WRNIP1: variants seen among roughly 807,000 people sequenced by gnomAD.
The protein encoded by WRNIP1 is WRN helicase interacting protein 1.
WRNIP1 carries 41 observed loss-of-function variants against 56.1 expected under a neutral mutation model. The ratio of observed to expected loss-of-function variants is 0.73; its 90% CI spans 0.57 to 0.95. The LOEUF is 0.95. Ranked by LOEUF, WRNIP1 falls within the 40% of genes least tolerant of loss-of-function variation. The pLI is 0.00. For missense variants in WRNIP1, 1,170 were observed against 939.4 expected, an observed-to-expected ratio of 1.25 and a Z score of -3.21; for synonymous variants, 547 against 398.1, an observed-to-expected ratio of 1.37 and a Z score of -4.45.
Position 2,766,132 on chromosome 6 carries a change from C to A in WRNIP1, c.510C>A (p.Gly170=). Residue 170 remains glycine, a synonymous_variant, in exon 1 of 7, where the codon GGC becomes GGA. Coordinates refer to ENST00000380773, the MANE Select transcript of WRNIP1 (RefSeq NM_020135.3). ...CGCAGGAGGAGGAGGAGGCCGTGGG[C>A]GACGGCGATGGCGACGGGGACGCGG... ...AEAQEEEEAV[G]DGDGDGDADA... is the part of the protein sequence containing the mutation. 8.1e-7 allele frequency: 1 copy of A among 1,240,346 alleles called. No homozygotes were observed. 76.8% of individuals were successfully genotyped at this position (1,240,346 alleles called of 1,614,324 possible).
At chr6:2,768,919 ACAT>A (rs760807505) in intron 2 of WRNIP1, 37 bp downstream of exon 2, 42 of 1,567,024 alleles carry the variant, frequency 2.7e-5, no homozygotes, top group Non-Finnish European at 3.2e-5. Context: ...GTCGTTGTGA[ACAT>A]CAAACAATAT....
At chr6:2,775,924 C>A (rs1166207524) in intron 3 of WRNIP1, among the ~76,000 whole-genome samples, 3 of 152,164 alleles carry the variant, frequency 2.0e-5, no homozygotes, top group East Asian at 1.9e-4. Flanking sequence ...GGCAGTCTAT[C>A]CCCAGAATAG....
At position 2,784,378 on chromosome 6, in the gene WRNIP1, A is replaced by G. The variant is rs752010954; in HGVS notation, c.1697A>G (p.His566Arg). 23 of 1,614,094 alleles carry G rather than the reference A, an allele frequency of 1.4e-5. No individual in the cohort carries two copies. Among genetic ancestry groups the G allele is most frequent in the Non-Finnish European group, 1.6e-5 (19 of 1,179,960 alleles). ...GCGGTTGCTGCCTACCAAGGCTGTCATTTTATAGGCATGCCTGAATGTGAG... is the reference window on the plus strand; with the variant it reads ...GCGGTTGCTGCCTACCAAGGCTGTCGTTTTATAGGCATGCCTGAATGTGAG... ...TQAVAAYQGCHFIGMPECEVL... is the reference protein window; with the variant it reads ...TQAVAAYQGCRFIGMPECEVL... The change falls in exon 6 of 7, where the codon CAT becomes CGT. Residue 566 changes from histidine (H) to arginine (R), a missense_variant. By Grantham distance (29) the His-to-Arg change is conservative. Transcript: ENST00000380773.
rs1008511107 is a variant in WRNIP1 at position 2,786,679 on chromosome 6, T to C, written c.*1397T>C. On this transcript the variant is annotated 3_prime_UTR_variant, in exon 7 of 7. Transcript: ENST00000380773. ...TCTGAGGGTTTGGCTAGTAATAAATTGTAGGTAAGAAATTACTTGTGCATT... is the reference window on the plus strand; with the variant it reads ...TCTGAGGGTTTGGCTAGTAATAAATCGTAGGTAAGAAATTACTTGTGCATT... 1 of 125,926 alleles carries C rather than the reference T, an allele frequency of 7.9e-6. No homozygotes were observed. Among genetic ancestry groups the C allele is most frequent in the Non-Finnish European group, 1.8e-5 (1 of 54,698 alleles). The allele number at this position is 125,926 out of a possible 1,614,324, so 7.8% of individuals were successfully genotyped here. A position where few individuals can be genotyped will look rare whatever the true frequency, so the allele number is the denominator to read the frequency against.
chr6:2,782,599 G>A (rs1001005793), intron 4 of WRNIP1, among the ~76,000 whole-genome samples: 4 of 152,232 alleles, frequency 2.6e-5, no homozygotes, highest in African/African-American at 4.8e-5. Context: ...CGTGAGGAGG[G>A]TGCCCCCTCC....
At position 2,766,559 on chromosome 6, in the gene WRNIP1, A is replaced by C. The variant is rs1038220715; in HGVS notation, c.822+115A>C. On this transcript the variant is annotated intron_variant, in intron 1 of 6. Transcript: ENST00000380773. ...AGAAGCCGCCTGCCTCTCCTGGATA[A>C]GGGGGTGCAGACTTGGGCTGGGCTG... 4 of 1,400,510 alleles carry C rather than the reference A, an allele frequency of 2.9e-6. No individual in the cohort carries two copies. In the African/African-American group the frequency reaches 5.8e-5, roughly 20 times the overall value. The allele number at this position is 1,400,510 out of a possible 1,614,324, so 86.8% of individuals were successfully genotyped here. A position where few individuals can be genotyped will look rare whatever the true frequency, so the allele number is the denominator to read the frequency against.
intron 4 of WRNIP1, among the ~76,000 whole-genome samples, chr6:2,780,783 C>G (rs533042213): frequency 3.9e-5 from 6 of 152,272 alleles, no homozygotes; most frequent in Admixed American, 3.3e-4. Context: ...CGGTCTCTCT[C>G]TCTCTTCTTG....
intron 2 of WRNIP1, among the ~76,000 whole-genome samples, chr6:2,769,502 A>C (rs1162371735): frequency 6.6e-6 from 1 of 152,146 alleles, no homozygotes; most frequent in African/African-American, 2.4e-5. Context: ...TAACTTTAAA[A>C]AATTTTTTTT....
chr6:2,765,662 C>T lies in WRNIP1; in HGVS notation c.40C>T (p.Gln14Ter). 6.5e-7 allele frequency: 1 copy of T among 1,550,364 alleles called. No homozygotes were observed. Among genetic ancestry groups the T allele is most frequent in the Non-Finnish European group, 8.6e-7 (1 of 1,156,448 alleles). Residue 14 changes from glutamine (Q) to a stop codon, truncating the protein, a stop_gained, in exon 1 of 7, where the codon CAG becomes TAG. Transcript: ENST00000380773. LOFTEE classifies it high-confidence loss of function. ...SGPEDDPFLS[Q>*]LHQVQCPVCQ... ...GCCGGAAGACGACCCCTTCCTTTCG[C>T]AGCTGCACCAGGTGCAGTGCCCCGT...
rs760613951 is a variant in WRNIP1 at position 2,770,312 on chromosome 6, T to C, written c.1207T>C (p.Ser403Pro). ...INSLGIHVLD[S>P]SRPTDPLSHS... is the part of the protein sequence containing the mutation. ...CTCCCTGGGAATCCACGTCCTAGAC[T>C]CTAGCCGTCCCACTGACCCTCTGAG... The change falls in exon 3 of 7, where the codon TCT becomes CCT. Residue 403 changes from serine to proline, a missense_variant. Coordinates refer to ENST00000380773, the MANE Select transcript of WRNIP1 (RefSeq NM_020135.3). 5 of 1,614,154 alleles carry C rather than the reference T, an allele frequency of 3.1e-6. No individual in the cohort carries two copies. The highest frequency in any genetic ancestry group is 4.2e-6 in the Non-Finnish European group (5 of 1,180,024).
chr6:2,784,269 C>T, intron 5 of WRNIP1, 55 bp from the exon 6 acceptor site: 1 of 1,560,562 alleles, frequency 6.4e-7, no homozygotes, highest in Non-Finnish European at 8.8e-7. Flanking sequence ...GCACATAGGC[C>T]AGGAGGACAG....
chr6:2,785,121 C>G lies in WRNIP1; in HGVS notation c.1837C>G (p.Pro613Ala), dbSNP rs140666043. 2 of 1,614,174 alleles carry G rather than the reference C, an allele frequency of 1.2e-6. No homozygotes were observed. The highest frequency in any genetic ancestry group is 2.2e-5 in the East Asian group (1 of 44,890). The change falls in exon 7 of 7, where the codon CCC becomes GCC. Residue 613 changes from proline (P) to alanine (A), a missense_variant. Transcript: ENST00000380773. Reference sequence around the variant, plus strand: ...GAGGAACCACCAGGGGCCACTGCCCCCCGTGCCCCTGCACCTGAGGAACGC... The same window carrying G: ...GAGGAACCACCAGGGGCCACTGCCCGCCGTGCCCCTGCACCTGAGGAACGC... ...CLRNHQGPLP[P>A]VPLHLRNAPT...
In WRNIP1 at chr6:2,783,510, G is replaced by A. The variant is rs529434617; in HGVS notation, c.1591G>A (p.Asp531Asn). 1 of 1,613,864 alleles carries A rather than the reference G, an allele frequency of 6.2e-7. No individual in the cohort carries two copies. The highest frequency in any genetic ancestry group is 1.7e-5 in the Admixed American group (1 of 60,006). ...GGCTCGCATGCTCGAGGGAGGAGAGGACCCACTCTACGTGGCACGGAGGCT... is the reference window on the plus strand; with the variant it reads ...GGCTCGCATGCTCGAGGGAGGAGAGAACCCACTCTACGTGGCACGGAGGCT... ...WLARMLEGGE[D>N]PLYVARRLVR... The change falls in exon 5 of 7, where the codon GAC becomes AAC. Residue 531 changes from aspartate (D) to asparagine (N), a missense_variant. Transcript: ENST00000380773.
chr6:2,779,523 C>G (rs573174697), intron 4 of WRNIP1, 31 bp downstream of exon 4: 2 of 1,591,918 alleles, frequency 1.3e-6, no homozygotes, highest in South Asian at 1.1e-5. Context: ...AAGAGTGAAA[C>G]CATACGGAAA....
At chr6:2,768,994 T>G (rs1466375965) in intron 2 of WRNIP1, 112 bp downstream of exon 2, 1 of 1,129,756 alleles carries the variant, frequency 8.9e-7, no homozygotes, top group African/African-American at 1.6e-5. Context: ...CAAAGAAGCG[T>G]AGGCTTGTGA....
chr6:2,766,051 G>A lies in WRNIP1; in HGVS notation c.429G>A (p.Pro143=), dbSNP rs1253855668. Residue 143 remains proline, a synonymous_variant, in exon 1 of 7, where the codon CCG becomes CCA. Transcript: ENST00000380773. ...SPGRKGSGKR[P]AAAAAAGSAS... is the part of the protein sequence containing the mutation. ...GGAGGAAGGGGTCGGGGAAGAGGCC[G>A]GCGGCCGCCGCCGCGGCGGGGAGCG... 5.4e-6 allele frequency: 7 copies of A among 1,295,442 alleles called. No individual in the cohort carries two copies. Among genetic ancestry groups the A allele is most frequent in the Admixed American group, 8.4e-5 (2 of 23,816 alleles). 80.2% of individuals were successfully genotyped at this position (1,295,442 alleles called of 1,614,324 possible).
chr6:2,785,391 A>C lies in WRNIP1; in HGVS notation c.*109A>C. ...CTGGTGGAAGTTAGAACAGACCAAC[A>C]TTTTGTGCCAGAAATTTAAGAGTTC... On this transcript the variant is annotated 3_prime_UTR_variant, in exon 7 of 7. Coordinates refer to ENST00000380773, the MANE Select transcript of WRNIP1 (RefSeq NM_020135.3). The C allele has an allele frequency of 7.8e-7, 1 of 1,287,554 alleles. No individual in the cohort carries two copies. Among genetic ancestry groups the C allele is most frequent in the Non-Finnish European group, 1.1e-6 (1 of 942,696 alleles). The allele number at this position is 1,287,554 out of a possible 1,614,324, so 79.8% of individuals were successfully genotyped here.
At chr6:2,766,647 T>C (rs536970314) in intron 1 of WRNIP1, among the ~76,000 whole-genome samples, 220 of 152,292 alleles carry the variant, frequency 1.4e-3, no homozygotes, top group Non-Finnish European at 1.5e-3. Flanking sequence ...CACCCCCAGA[T>C]TGGTAAGGCA....
At chr6:2,766,572 TTGGGC>T in intron 1 of WRNIP1, 128 bp downstream of exon 1, 1 of 1,387,160 alleles carries the variant, frequency 7.2e-7, no homozygotes, top group East Asian at 2.7e-5. Context: ...GGGTGCAGAC[TTGGGC>T]TGGGCTGGGG....
Sources: allele counts gnomAD v4.1 joint callset (sites outside exome capture counted in the v4.1 genomes callset), GRCh38; gene constraint gnomAD v4.1.1; transcripts MANE v1.5; gene names NCBI Gene and HGNC (gene_info 2026-07-23, HGNC 2026-07-21).